The following NRCAM variants were observed in gnomAD, a reference collection of about 807,000 sequenced individuals.
NRCAM encodes the protein NgCAM-related cell adhesion molecule.
A neutral mutation model predicts 156.5 loss-of-function variants in NRCAM; 83 were observed. That is an observed-to-expected ratio of 0.53 (90% CI 0.44 to 0.64). The LOEUF (loss-of-function observed/expected upper bound fraction) is 0.64, where lower values mean the gene tolerates loss of function less well. NRCAM is among the 30% of genes least tolerant of loss of function. The pLI is 0.00. For synonymous variants in NRCAM, 538 were observed against 563.9 expected (o/e 0.95, Z 0.65); for missense variants, 1,417 against 1,597.3 (o/e 0.89, Z 1.92).
At chr7:108,286,634 GAAGT>G (rs145370708) in intron 3 of NRCAM, among the ~76,000 whole-genome samples, 35,210 of 151,940 alleles carry the variant, frequency 0.23, 4,769 homozygotes, top group East Asian at 0.33. Flanking sequence ...CAAATCCTGT[GAAGT>G]AAGTGTTTCC....
At chr7:108,193,802 C>G (rs544053586) in intron 17 of NRCAM, among the ~76,000 whole-genome samples, 4 of 152,148 alleles carry the variant, frequency 2.6e-5, no homozygotes, top group East Asian at 1.9e-4. Flanking sequence ...GAGACCAGCA[C>G]GCAAAGATAG....
chr7:108,173,172 G>A (rs146821805), intron 28 of NRCAM, among the ~76,000 whole-genome samples: 12,702 of 151,836 alleles, frequency 0.084, 877 homozygotes, highest in African/African-American at 0.18. Flanking sequence ...TTTTAGTAGA[G>A]ATGGGGTTTC....
chr7:108,315,701 C>A (rs529532979), intron 2 of NRCAM, among the ~76,000 whole-genome samples: 2 of 152,284 alleles, frequency 1.3e-5, no homozygotes, highest in South Asian at 4.1e-4. Context: ...TTGGGACTGA[C>A]CCCATGTTAT....
chr7:108,153,308 C>G (rs116922908), intron 32 of NRCAM, among the ~76,000 whole-genome samples: 4,490 of 152,046 alleles, frequency 0.03, 108 homozygotes, highest in Admixed American at 0.051. Context: ...AACATCAATT[C>G]ATATAATTCA....
chr7:108,440,729 A>G (rs1837574714), intron 1 of NRCAM, among the ~76,000 whole-genome samples: 1 of 152,218 alleles, frequency 6.6e-6, no homozygotes, highest in Non-Finnish European at 1.5e-5. Context: ...CCATTTTGCC[A>G]GCTGCACACT....
At position 108,189,753 on chromosome 7, in the gene NRCAM, A is replaced by G; in HGVS notation, c.1934-7T>C. The G allele has an allele frequency of 9.2e-7, 1 of 1,081,434 alleles. No individual in the cohort carries two copies. The highest frequency in any genetic ancestry group is 1.4e-6 in the Non-Finnish European group (1 of 698,144). 67.0% of individuals were successfully genotyped at this position (1,081,434 alleles called of 1,614,324 possible). ...AAGGGAGGATTTGGGACATCTGTAG[A>G]CCAAACATACACACATCATGGTCAC... is the stretch of plus-strand genomic sequence containing the variant. On this transcript the variant is annotated splice_region_variant and splice_polypyrimidine_tract_variant and intron_variant, in intron 19 of 32. Transcript: ENST00000379028.
chr7:108,337,627 G>T (rs983569875), intron 2 of NRCAM, among the ~76,000 whole-genome samples: 1 of 152,126 alleles, frequency 6.6e-6, no homozygotes, highest in African/African-American at 2.4e-5. Flanking sequence ...CATGACCCAC[G>T]GCTTTTAATA....
intron 30 of NRCAM, among the ~76,000 whole-genome samples, chr7:108,161,174 T>C (rs2048707350): frequency 6.6e-6 from 1 of 152,208 alleles, no homozygotes; most frequent in South Asian, 2.1e-4. Flanking sequence ...TCAATATTCG[T>C]TATTGCTAAG....
intron 3 of NRCAM, among the ~76,000 whole-genome samples, chr7:108,289,178 C>G (rs1270144285): frequency 6.6e-6 from 1 of 152,060 alleles, no homozygotes; most frequent in Non-Finnish European, 1.5e-5. Flanking sequence ...ACACTACCAA[C>G]AGTATAAATA....
At chr7:108,420,716 C>G (rs1197195038) in intron 1 of NRCAM, among the ~76,000 whole-genome samples, 1 of 152,156 alleles carries the variant, frequency 6.6e-6, no homozygotes, top group Non-Finnish European at 1.5e-5. Context: ...GGTTTCCTTT[C>G]TTAGGCTTTA....
At chr7:108,157,312 A>C (rs547274726) in intron 32 of NRCAM, among the ~76,000 whole-genome samples, 1 of 152,274 alleles carries the variant, frequency 6.6e-6, no homozygotes, top group South Asian at 2.1e-4. Context: ...AAAACACTTT[A>C]CCAACATAGC....
At chr7:108,315,584 T>C (rs1054611453) in intron 2 of NRCAM, among the ~76,000 whole-genome samples, 3 of 152,220 alleles carry the variant, frequency 2.0e-5, no homozygotes, top group African/African-American at 7.2e-5. Flanking sequence ...GCCCTCCCTC[T>C]ACCACAACCT....
At chr7:108,156,167 A>G (rs752804420) in intron 32 of NRCAM, 11 of 295,494 alleles carry the variant, frequency 3.7e-5, no homozygotes, top group Non-Finnish European at 5.5e-5. Flanking sequence ...ACTCTAATGT[A>G]TATAACGAAT....
At chr7:108,339,904 C>A (rs1412339901) in intron 2 of NRCAM, among the ~76,000 whole-genome samples, 1 of 152,118 alleles carries the variant, frequency 6.6e-6, no homozygotes, top group East Asian at 1.9e-4. Flanking sequence ...GACTTATATT[C>A]TTCTGCATTA....
intron 3 of NRCAM, among the ~76,000 whole-genome samples, chr7:108,311,897 A>AACTG (rs748581608): frequency 2.0e-5 from 3 of 152,324 alleles, no homozygotes; most frequent in African/African-American, 7.2e-5. Flanking sequence ...CAAGGTAAAG[A>AACTG]ACTGAATGTC....
intron 29 of NRCAM, 61 bp from the exon 30 acceptor site, chr7:108,167,134 T>C (rs2054957217): frequency 5.2e-6 from 7 of 1,348,836 alleles, no homozygotes; most frequent in Non-Finnish European, 7.2e-6. Context: ...AGTCACTTAA[T>C]GCTTCAAGAA....
Position 108,209,715 on chromosome 7 carries a change from A to C in NRCAM, c.891-110T>G, listed in dbSNP as rs73725385. Reference sequence around the variant, plus strand: ...AACAAATCTTTATTAAAAAATCATAAGAAATACATAGATATTTTAATTAGC... The same window carrying C: ...AACAAATCTTTATTAAAAAATCATACGAAATACATAGATATTTTAATTAGC... On this transcript the variant is annotated intron_variant, in intron 11 of 32. Transcript: ENST00000379028. 2.9e-4 allele frequency: 216 copies of C among 737,704 alleles called. 2 individuals carry two copies. In the African/African-American group the frequency reaches 3.2e-3, roughly 11 times the overall value. 45.7% of individuals were successfully genotyped at this position (737,704 alleles called of 1,614,324 possible). A position where few individuals can be genotyped will look rare whatever the true frequency, so the allele number is the denominator to read the frequency against.
chr7:108,149,623 C>T lies in NRCAM; in HGVS notation c.*287G>A, dbSNP rs1328618322. 2.4e-6 allele frequency: 1 copy of T among 414,626 alleles called. No homozygotes were observed. Among genetic ancestry groups the T allele is most frequent in the African/African-American group, 2.0e-5 (1 of 49,214 alleles). The allele number at this position is 414,626 out of a possible 1,614,324, so 25.7% of individuals were successfully genotyped here. On this transcript the variant is annotated 3_prime_UTR_variant, in exon 33 of 33. Transcript: ENST00000379028. ...TTTCATGCATCATATTGAACTGTAT[C>T]CTGCAGAGGAAATAACAGGATCTGT...
intron 2 of NRCAM, among the ~76,000 whole-genome samples, chr7:108,388,815 G>A (rs2154371351): frequency 6.6e-6 from 1 of 152,260 alleles, no homozygotes; most frequent in Middle Eastern, 3.4e-3. Flanking sequence ...ATTAAATAGG[G>A]AATCCTTTCC....
Sources: gnomAD v4.1 joint callset for allele counts (sites outside exome capture counted in the v4.1 genomes callset) on GRCh38, gnomAD v4.1.1 for gene constraint, MANE v1.5 for transcripts, NCBI Gene and HGNC (gene_info 2026-07-23, HGNC 2026-07-21) for gene names.